XPO5: variants seen among roughly 807,000 people sequenced by gnomAD.
XPO5 encodes exportin 5, also known as exportin-5.
A neutral mutation model predicts 160.6 loss-of-function variants in XPO5; 46 were observed. The ratio of observed to expected loss-of-function variants is 0.29; its 90% CI spans 0.23 to 0.37. The LOEUF is 0.37. Among genes scored for constraint, XPO5 ranks in the 10% least tolerant of loss-of-function variants. The pLI is 1.00. For synonymous variants in XPO5, 537 were observed against 519.3 expected (o/e 1.03, Z -0.46); for missense variants, 1,090 against 1,463.9 (o/e 0.74, Z 4.17).
chr6:43,567,335 ACTC>A lies in XPO5; in HGVS notation c.665_667del (p.Arg222_Val223delinsLeu), dbSNP rs1762746327. On this transcript the variant is annotated inframe_deletion, in exon 7 of 32. Coordinates refer to ENST00000265351, the MANE Select transcript of XPO5 (RefSeq NM_020750.3). ...TAGAGTATTCAGTGCTGCAACTCCT[ACTC>A]GACAGTTTGCTTGCGCCTACCAGAA... The A allele has an allele frequency of 6.2e-7, 1 of 1,607,310 alleles. No homozygotes were observed. Among genetic ancestry groups the A allele is most frequent in the Admixed American group, 1.7e-5 (1 of 58,302 alleles).
intron 20 of XPO5, chr6:43,539,678 C>G (rs913306275): frequency 1.1e-6 from 1 of 925,694 alleles, no homozygotes; most frequent in Non-Finnish European, 1.6e-6. Context: ...TCCAGGCCCC[C>G]CCACTGCACC....
chr6:43,540,962 G>C (rs915922169), intron 20 of XPO5, among the ~76,000 whole-genome samples: 2 of 151,828 alleles, frequency 1.3e-5, no homozygotes, highest in African/African-American at 4.8e-5. Flanking sequence ...AATATGGATA[G>C]CACTGGAGGT....
intron 6 of XPO5, among the ~76,000 whole-genome samples, chr6:43,568,302 G>A (rs898566037): frequency 4.6e-5 from 7 of 150,900 alleles, no homozygotes; most frequent in African/African-American, 9.8e-5. Context: ...GCGAGACTCC[G>A]TCTCAAAAAC....
rs1008532494 is a variant in XPO5, at chr6:43,573,380, T to C, written c.227+100A>G. 4.1e-6 allele frequency: 6 copies of C among 1,458,452 alleles called. No homozygotes were observed. The African/African-American group carries it at 7.1e-5, about 17-fold the overall frequency. The allele number at this position is 1,458,452 out of a possible 1,614,324, so 90.3% of individuals were successfully genotyped here. ...GGGATCATTCCTCTCTTCTTGGAGATTGCTCTTCTCTACTCACCTAAACAG... is the reference window on the plus strand; with the variant it reads ...GGGATCATTCCTCTCTTCTTGGAGACTGCTCTTCTCTACTCACCTAAACAG... On this transcript the variant is annotated intron_variant, in intron 2 of 31. Transcript: ENST00000265351.
At chr6:43,525,707 C>CT in intron 28 of XPO5, 132 bp downstream of exon 28, 1 of 978,784 alleles carries the variant, frequency 1.0e-6, no homozygotes, top group Admixed American at 2.9e-5. Context: ...TTTCTGGGGC[C>CT]TTTGGAACCA....
chr6:43,525,230 TGAA>T lies in XPO5; in HGVS notation c.3067-19_3067-17del, dbSNP rs779604334. ...TACAAACATCCTGAACAGGAAAAGATGAAGAGTTACAATGGAAAAAGAAGCACA... is the reference window on the plus strand; with the variant it reads ...TACAAACATCCTGAACAGGAAAAGATGAGTTACAATGGAAAAAGAAGCACA... On this transcript the variant is annotated splice_polypyrimidine_tract_variant and intron_variant, in intron 28 of 31. Transcript: ENST00000265351. 6.4e-7 allele frequency: 1 copy of T among 1,560,900 alleles called. No homozygotes were observed. The highest frequency in any genetic ancestry group is 1.9e-5 in the Admixed American group (1 of 51,994).
intron 23 of XPO5, chr6:43,529,370 G>A (rs112002297): frequency 5.9e-5 from 14 of 236,418 alleles, no homozygotes; most frequent in East Asian, 1.5e-4. Flanking sequence ...GTGAAACCCC[G>A]TCTCTACTAA....
intron 18 of XPO5, among the ~76,000 whole-genome samples, 179 bp downstream of exon 18, chr6:43,548,082 C>T (rs999418749): frequency 7.9e-5 from 12 of 152,180 alleles, no homozygotes; most frequent in Admixed American, 2.6e-4. Flanking sequence ...CCCTCCCCAC[C>T]CACAATCTAA....
In XPO5 at chr6:43,560,148, A is replaced by G. The variant is rs766201248; in HGVS notation, c.1221+30T>C. ...AGTCTTATTATGTGTATTCACCTAC[A>G]TTCCACATGTTTAGATTCCCATTAT... On this transcript the variant is annotated intron_variant, in intron 11 of 31. Transcript: ENST00000265351. 1.3e-4 allele frequency: 206 copies of G among 1,607,264 alleles called. 3 individuals carry two copies. The Admixed American group carries it at 3.4e-3, about 26-fold the overall frequency.
At position 43,559,969 on chromosome 6, in the gene XPO5, A is replaced by G. The variant is rs559848728; in HGVS notation, c.1221+209T>C. On this transcript the variant is annotated intron_variant, in intron 11 of 31. Transcript: ENST00000265351. ...GTAGCTGGGTCTACAGGTGCATACC[A>G]ACATGCCCTGCTAATTTTTTTGTAT... 6.6e-5 allele frequency among the ~76,000 whole-genome samples: 10 copies of G among 152,320 alleles called. No individual in the cohort carries two copies. In the East Asian group the frequency reaches 1.9e-3, roughly 29 times the overall value.
chr6:43,523,934 CTTTG>C lies in XPO5; in HGVS notation c.3545_3548del (p.Thr1182SerfsTer46). On this transcript the variant is annotated frameshift_variant, in exon 32 of 32. Transcript: ENST00000265351. LOFTEE classifies it high-confidence loss of function. ...CCAGCACCTCCGTCTCCAGCATTGGCTTTGTTTTTTTGAAAAGTGAGGGAAGATT... is the reference window on the plus strand; with the variant it reads ...CCAGCACCTCCGTCTCCAGCATTGGCTTTTTTTGAAAAGTGAGGGAAGATT... 1.2e-6 allele frequency: 2 copies of C among 1,614,028 alleles called. No homozygotes were observed. The highest frequency in any genetic ancestry group is 1.7e-6 in the Non-Finnish European group (2 of 1,179,900).
intron 26 of XPO5, chr6:43,527,426 A>G: frequency 2.1e-6 from 1 of 481,762 alleles, no homozygotes; most frequent in South Asian, 2.2e-5. Flanking sequence ...CCTGCGCGCC[A>G]CTACGCCCAG....
At chr6:43,558,818 C>CAG (rs1762251574) in intron 11 of XPO5, 1 of 423,944 alleles carries the variant, frequency 2.4e-6, no homozygotes, top group Non-Finnish European at 4.2e-6. Context: ...TACCATCCTC[C>CAG]AAGTTCCTCA....
chr6:43,555,696 C>T, intron 13 of XPO5, 140 bp downstream of exon 13: 2 of 1,026,376 alleles, frequency 1.9e-6, no homozygotes, highest in Admixed American at 3.4e-5. Flanking sequence ...GAAAACGCTC[C>T]CTCTCCAGGA....
At position 43,560,228 on chromosome 6, in the gene XPO5, A is replaced by G. The variant is rs1762347203; in HGVS notation, c.1171T>C (p.Leu391=). ...HEILSRDPLL[L]AIIPKYLRAS... is the part of the protein sequence containing the mutation. The stretch of plus-strand genomic sequence containing the variant: ...CGAAGATATTTTGGTATTATTGCTA[A>G]TAGCAAAGGATCACGGGACAGGATT... The change falls in exon 11 of 32, where the codon TTA becomes CTA. Residue 391 remains leucine (L), a synonymous_variant. Coordinates refer to ENST00000265351, the MANE Select transcript of XPO5 (RefSeq NM_020750.3). 3 of 1,612,648 alleles carry G rather than the reference A, an allele frequency of 1.9e-6. No individual in the cohort carries two copies. The highest frequency in any genetic ancestry group is 4.5e-5 in the East Asian group (2 of 44,876).
Position 43,524,986 on chromosome 6 carries a change from C to G in XPO5, c.3175-18G>C. ...GACAGCACCTGGGGAGACAACTGTG[C>G]TTTAGGGCCACAGGGGGCCTCTCTC... On this transcript the variant is annotated intron_variant, in intron 29 of 31. Transcript: ENST00000265351. 6.2e-7 allele frequency: 1 copy of G among 1,611,190 alleles called. No homozygotes were observed. The highest frequency in any genetic ancestry group is 1.7e-5 in the Admixed American group (1 of 59,708).
intron 19 of XPO5, chr6:43,547,287 G>A (rs1240166044): frequency 4.7e-6 from 2 of 421,294 alleles, no homozygotes; most frequent in African/African-American, 2.0e-5. Flanking sequence ...GACTTTACAT[G>A]CCAGAGAGCA....
intron 20 of XPO5, among the ~76,000 whole-genome samples, chr6:43,538,131 AGAGACATC>A (rs1238157769): frequency 6.9e-6 from 1 of 143,888 alleles, no homozygotes; most frequent in Non-Finnish European, 1.5e-5. Context: ...TTAGAGCCTA[AGAGACATC>A]TTTTTTTTTT....
chr6:43,564,833 G>C (rs1198165854), intron 8 of XPO5, among the ~76,000 whole-genome samples: 1 of 151,860 alleles, frequency 6.6e-6, no homozygotes, highest in Non-Finnish European at 1.5e-5. Flanking sequence ...TCAAACTCCT[G>C]ACTCAATCAA....
Sources: allele counts gnomAD v4.1 joint callset (sites outside exome capture counted in the v4.1 genomes callset), GRCh38; gene constraint gnomAD v4.1.1; transcripts MANE v1.5; gene names NCBI Gene and HGNC (gene_info 2026-07-23, HGNC 2026-07-21).